The following GLI2 variants were observed in gnomAD, a reference collection of about 807,000 sequenced individuals.
The protein encoded by GLI2 is transcription activator GLI2.
GLI2 carries 22 observed loss-of-function variants against 78.9 expected under a neutral mutation model. The observed-to-expected ratio is 0.28, with a 90% CI of 0.20 to 0.40. The LOEUF (loss-of-function observed/expected upper bound fraction) is 0.40. Ranked by LOEUF, GLI2 falls within the 10% of genes least tolerant of loss-of-function variation. GLI2 has a pLI of 1.00. For missense variants in GLI2, 2,097 were observed against 2,213.2 expected, an observed-to-expected ratio of 0.95 and a Z score of 1.05; for synonymous variants, 974 against 963.7, an observed-to-expected ratio of 1.01 and a Z score of -0.20.
At chr2:120,934,917 A>T (rs528160959) in intron 3 of GLI2, among the ~76,000 whole-genome samples, 1 of 152,206 alleles carries the variant, frequency 6.6e-6, no homozygotes, top group East Asian at 1.9e-4. Flanking sequence ...AGATTAATGA[A>T]CACAGCAGCC....
At chr2:120,804,293 TCTGTGC>T (rs1214855247) in intron 2 of GLI2, among the ~76,000 whole-genome samples, 1 of 152,220 alleles carries the variant, frequency 6.6e-6, no homozygotes, top group Non-Finnish European at 1.5e-5. Flanking sequence ...TCTGTCTTTT[TCTGTGC>T]CTCCAGGATG....
chr2:120,787,099 G>C (rs964441990), intron 1 of GLI2, among the ~76,000 whole-genome samples: 12 of 152,216 alleles, frequency 7.9e-5, no homozygotes, highest in Admixed American at 7.8e-4. Context: ...AGGCACACAG[G>C]CAAGACAGAC....
chr2:120,927,058 T>C (rs1000795897), intron 2 of GLI2, among the ~76,000 whole-genome samples: 1 of 152,222 alleles, frequency 6.6e-6, no homozygotes, highest in African/African-American at 2.4e-5. Flanking sequence ...AGCCCTGATT[T>C]GCGGGCTGAG....
At chr2:120,931,450 GTC>G (rs928126804) in intron 3 of GLI2, among the ~76,000 whole-genome samples, 31 of 152,302 alleles carry the variant, frequency 2.0e-4, no homozygotes, top group Admixed American at 1.3e-4. Context: ...AAGTAGTCAT[GTC>G]TCTTAAGTCC....
intron 2 of GLI2, among the ~76,000 whole-genome samples, chr2:120,838,849 TCCAGGAAG>T (rs1441883702): frequency 1.3e-5 from 2 of 152,310 alleles, no homozygotes; most frequent in East Asian, 3.9e-4. Flanking sequence ...GTCAATAGGT[TCCAGGAAG>T]AACCTATATC....
Position 120,869,703 on chromosome 2 carries a change from T to C in GLI2, c.149-57658T>C, listed in dbSNP as rs13392110. 5.1e-3 allele frequency among the ~76,000 whole-genome samples: 778 copies of C among 152,310 alleles called. 11 individuals are homozygous for C. Among genetic ancestry groups the C allele is most frequent in the African/African-American group, 0.017 (718 of 41,572 alleles). On this transcript the variant is annotated intron_variant, in intron 2 of 13. Coordinates refer to ENST00000361492, the MANE Select transcript of GLI2 (RefSeq NM_001374353.1). ...AGCCAGAGAGAGAACAATTTGGCAATACCAAAGGCATAAAGCACCAATGAA... is the reference window on the plus strand; with the variant it reads ...AGCCAGAGAGAGAACAATTTGGCAACACCAAAGGCATAAAGCACCAATGAA...
rs34273903 is a variant in GLI2 at position 120,927,532 on chromosome 2, C to T, written c.254+66C>T. 7,184 of 1,012,194 alleles carry T rather than the reference C, an allele frequency of 7.1e-3. 353 individuals carry two copies. The African/African-American group carries it at 0.1, about 14-fold the overall frequency. 62.7% of individuals were successfully genotyped at this position (1,012,194 alleles called of 1,614,324 possible). On this transcript the variant is annotated intron_variant, in intron 3 of 13. Coordinates refer to ENST00000361492, the MANE Select transcript of GLI2 (RefSeq NM_001374353.1). Reference sequence around the variant, plus strand: ...ACCTGCCATGGGGAGGCTGGGCCGGCAGCCTCAGCCACATCTCCTGCCTCT... The same window carrying T: ...ACCTGCCATGGGGAGGCTGGGCCGGTAGCCTCAGCCACATCTCCTGCCTCT...
chr2:120,865,551 ACC>A (rs1204913587), intron 2 of GLI2, among the ~76,000 whole-genome samples: 6 of 152,054 alleles, frequency 3.9e-5, no homozygotes, highest in Admixed American at 3.3e-4. Context: ...AGGCAGTACC[ACC>A]CAAGAAGGGG....
intron 1 of GLI2, among the ~76,000 whole-genome samples, chr2:120,745,610 C>T (rs1682671396): frequency 6.6e-6 from 1 of 152,210 alleles, no homozygotes; most frequent in Non-Finnish European, 1.5e-5. Flanking sequence ...TCCACACCCG[C>T]AGCTGTGACC....
chr2:120,918,374 T>C (rs180689360), intron 2 of GLI2, among the ~76,000 whole-genome samples: 232 of 151,904 alleles, frequency 1.5e-3, no homozygotes, highest in Non-Finnish European at 2.8e-3. Flanking sequence ...TCACATCTGC[T>C]CAGAGATGGG....
rs368670013 is a variant in GLI2 at position 120,880,973 on chromosome 2, C to A, written c.149-46388C>A. Among the ~76,000 whole-genome samples the A allele has an allele frequency of 6.6e-5, 10 of 152,330 alleles. No homozygotes were observed. In the East Asian group the frequency reaches 1.9e-3, roughly 29 times the overall value. On this transcript the variant is annotated intron_variant, in intron 2 of 13. Transcript: ENST00000361492. ...AAATTTGTCTTTCTTATTTGCCATCCTTCGAAGGCAGCACCCCCTGTTACC... is the reference window on the plus strand; with the variant it reads ...AAATTTGTCTTTCTTATTTGCCATCATTCGAAGGCAGCACCCCCTGTTACC...
chr2:120,968,834 C>G lies in GLI2; in HGVS notation c.764C>G (p.Ser255Trp). The change falls in exon 6 of 14, where the codon TCG becomes TGG. Residue 255 changes from serine to tryptophan, a missense_variant. This residue lies in a region of GLI2 where 578 missense variants were observed against 612.0 expected (regional missense o/e 0.94). Coordinates refer to ENST00000361492, the MANE Select transcript of GLI2 (RefSeq NM_001374353.1). ...CGGATGATCCGCACCTCACCCAACT[C>G]GCTAGTGGCCTACATCAACAACTCC... Reference protein sequence around the residue: ...LQRMIRTSPNSLVAYINNSRS... With the variant: ...LQRMIRTSPNWLVAYINNSRS... 1.2e-6 allele frequency: 2 copies of G among 1,613,826 alleles called. No individual in the cohort carries two copies. The highest frequency in any genetic ancestry group is 1.3e-5 in the African/African-American group (1 of 75,062).
chr2:120,836,462 T>C (rs1285115757), intron 2 of GLI2, among the ~76,000 whole-genome samples: 1 of 152,226 alleles, frequency 6.6e-6, no homozygotes, highest in Non-Finnish European at 1.5e-5. Flanking sequence ...CCACAGCCGA[T>C]TTCTCTCCTC....
chr2:120,776,158 G>T (rs1374894093), intron 1 of GLI2, among the ~76,000 whole-genome samples: 1 of 152,246 alleles, frequency 6.6e-6, no homozygotes, highest in African/African-American at 2.4e-5. Flanking sequence ...GGAGGCGATG[G>T]CATGGAGCAC....
At chr2:120,787,279 G>A (rs528998100) in intron 1 of GLI2, among the ~76,000 whole-genome samples, 1 of 152,314 alleles carries the variant, frequency 6.6e-6, no homozygotes, top group Non-Finnish European at 1.5e-5. Flanking sequence ...TGCAGATCCT[G>A]AGGCAGGGCC....
chr2:120,745,082 G>A (rs1231205331), intron 1 of GLI2, among the ~76,000 whole-genome samples: 1 of 152,220 alleles, frequency 6.6e-6, no homozygotes, highest in African/African-American at 2.4e-5. Context: ...CTTAGAAGTA[G>A]GCTCTAGAGC....
At chr2:120,931,484 C>G (rs1008252194) in intron 3 of GLI2, among the ~76,000 whole-genome samples, 1 of 152,220 alleles carries the variant, frequency 6.6e-6, no homozygotes, top group Non-Finnish European at 1.5e-5. Flanking sequence ...GAAGGAAACA[C>G]TTAACAAATG....
At chr2:120,852,823 G>T (rs1687475774) in intron 2 of GLI2, among the ~76,000 whole-genome samples, 1 of 152,216 alleles carries the variant, frequency 6.6e-6, no homozygotes, top group African/African-American at 2.4e-5. Context: ...CAACAGGACA[G>T]CCAGCCAGCA....
intron 3 of GLI2, among the ~76,000 whole-genome samples, chr2:120,946,857 A>G (rs1680732343): frequency 6.6e-6 from 1 of 152,202 alleles, no homozygotes; most frequent in South Asian, 2.1e-4. Flanking sequence ...GCTGCTGGGA[A>G]GCGCCCTCAG....
Sources: gnomAD v4.1 joint callset for allele counts (sites outside exome capture counted in the v4.1 genomes callset) on GRCh38, gnomAD v4.1.1 for gene constraint, gnomAD v4.1.1 regional missense constraint, MANE v1.5 for transcripts, NCBI Gene and HGNC (gene_info 2026-07-23, HGNC 2026-07-21) for gene names.